FBN1: variants seen among roughly 807,000 people sequenced by gnomAD.
FBN1 encodes the protein fibrillin 1.
FBN1 carries 29 observed loss-of-function variants against 365.1 expected under a neutral mutation model. The observed-to-expected ratio is 0.08, with a 90% confidence interval of 0.06 to 0.11. The LOEUF is 0.11. FBN1 is among the 10% of genes least tolerant of loss of function. FBN1 has a pLI of 1.00. For missense variants in FBN1, 2,476 were observed against 3,703.2 expected, an observed-to-expected ratio of 0.67 and a Z score of 8.60; for synonymous variants, 1,210 against 1,270.5, an observed-to-expected ratio of 0.95 and a Z score of 1.01.
Position 48,504,995 on chromosome 15 carries a change from C to T in FBN1, c.1960+30G>A, listed in dbSNP as rs25459. ...ATTGAGTGACAGAGGCTGAACCTCT[C>T]TCATAAGGTTAGCCATGATGTTTTC... On this transcript the variant is annotated intron_variant, in intron 16 of 65. Coordinates refer to ENST00000316623, the MANE Select transcript of FBN1 (RefSeq NM_000138.5). 9,261 of 1,613,772 alleles carry T rather than the reference C, an allele frequency of 5.7e-3. 166 individuals carry two copies. In the African/African-American group the frequency reaches 0.061, roughly 11 times the overall value.
chr15:48,527,695 C>A (rs949703580), intron 8 of FBN1, among the ~76,000 whole-genome samples: 2 of 152,254 alleles, frequency 1.3e-5, no homozygotes, highest in Non-Finnish European at 2.9e-5. Context: ...ACAGTGTTTA[C>A]ATGCAGTTTA....
intron 2 of FBN1, among the ~76,000 whole-genome samples, chr15:48,618,452 G>GGCCCT (rs1486076134): frequency 3.3e-5 from 5 of 151,858 alleles, no homozygotes; most frequent in Admixed American, 6.6e-5. Context: ...CCTTTATTCT[G>GGCCCT]GCCCTCTTCA....
At chr15:48,629,336 A>G (rs909369566) in intron 2 of FBN1, among the ~76,000 whole-genome samples, 5 of 152,140 alleles carry the variant, frequency 3.3e-5, no homozygotes, top group African/African-American at 4.8e-5. Context: ...TCTTCAATAC[A>G]TAAATTACAA....
intron 47 of FBN1, among the ~76,000 whole-genome samples, chr15:48,446,439 A>G (rs980516713): frequency 3.3e-5 from 5 of 152,196 alleles, no homozygotes; most frequent in Non-Finnish European, 5.9e-5. Flanking sequence ...ATGTGTAGGA[A>G]AAAACATGGT....
intron 8 of FBN1, among the ~76,000 whole-genome samples, chr15:48,526,967 G>T (rs1194198737): frequency 6.6e-6 from 1 of 152,160 alleles, no homozygotes; most frequent in African/African-American, 2.4e-5. Flanking sequence ...CCCTTCCCAG[G>T]CACCCGACAC....
At chr15:48,505,569 G>T (rs1360273057) in intron 15 of FBN1, among the ~76,000 whole-genome samples, 1 of 152,080 alleles carries the variant, frequency 6.6e-6, no homozygotes, top group Non-Finnish European at 1.5e-5. Flanking sequence ...CACCCAGACT[G>T]GCATCACTTC....
chr15:48,604,828 C>G (rs2044594145), intron 4 of FBN1, among the ~76,000 whole-genome samples: 1 of 152,174 alleles, frequency 6.6e-6, no homozygotes, highest in Non-Finnish European at 1.5e-5. Flanking sequence ...AGGATGGTTG[C>G]ACCATACTCC....
chr15:48,562,104 T>C (rs1043441941), intron 6 of FBN1, among the ~76,000 whole-genome samples: 4 of 152,140 alleles, frequency 2.6e-5, no homozygotes, highest in Non-Finnish European at 5.9e-5. Context: ...GTTAGAAGAA[T>C]GGAATCAAGC....
intron 6 of FBN1, among the ~76,000 whole-genome samples, chr15:48,554,606 CA>C (rs1179084577): frequency 6.6e-6 from 1 of 152,142 alleles, no homozygotes; most frequent in East Asian, 1.9e-4. Flanking sequence ...AAATGGGTAT[CA>C]GTCATATTTT....
In FBN1 at chr15:48,534,200, C is replaced by T. The variant is rs1235048801; in HGVS notation, c.742G>A (p.Asp248Asn). Residue 248 changes from aspartate to asparagine, a missense_variant, in exon 8 of 66, where the codon GAT (aspartate) becomes AAT (asparagine). Coordinates refer to ENST00000316623, the MANE Select transcript of FBN1 (RefSeq NM_000138.5). ...AGCCCGGGGATGGCCTGGCATTCAT[C>T]CACATCTGTCAGATTACAGAAGACA... ...NIRTGACQDV[D>N]ECQAIPGLCQ... 1.2e-6 allele frequency: 2 copies of T among 1,612,952 alleles called. No individual in the cohort carries two copies. Among genetic ancestry groups the T allele is most frequent in the South Asian group, 2.2e-5 (2 of 91,030 alleles).
chr15:48,489,391 GA>G (rs1432746120), intron 25 of FBN1, among the ~76,000 whole-genome samples: 1 of 151,792 alleles, frequency 6.6e-6, no homozygotes, highest in Non-Finnish European at 1.5e-5. Context: ...TTGTACACTA[GA>G]AAACTGCATA....
chr15:48,481,829 A>G, intron 31 of FBN1, 49 bp from the exon 32 acceptor site: 1 of 1,546,320 alleles, frequency 6.5e-7, no homozygotes, highest in Non-Finnish European at 8.9e-7. Context: ...GATATCATTG[A>G]GTACTTTCCC....
chr15:48,499,429 T>C (rs545966764), intron 17 of FBN1, among the ~76,000 whole-genome samples: 23 of 152,372 alleles, frequency 1.5e-4, no homozygotes, highest in African/African-American at 5.1e-4. Context: ...TGTTTCTCAG[T>C]GCTAGCTGTT....
chr15:48,437,549 A>G (rs1219459561), intron 51 of FBN1, 162 bp from the exon 52 acceptor site: 1 of 816,046 alleles, frequency 1.2e-6, no homozygotes, highest in African/African-American at 1.7e-5. Flanking sequence ...AGACTCCCTA[A>G]GATGTTGTGT....
intron 3 of FBN1, 43 bp downstream of exon 3, chr15:48,612,967 C>T (rs756778569): frequency 6.9e-7 from 1 of 1,453,508 alleles, no homozygotes; most frequent in South Asian, 1.1e-5. Flanking sequence ...ACCAACACAA[C>T]AAAAGAAGGA....
chr15:48,575,308 T>C (rs2044336225), intron 6 of FBN1, among the ~76,000 whole-genome samples: 1 of 147,606 alleles, frequency 6.8e-6, no homozygotes, highest in Admixed American at 6.9e-5. Flanking sequence ...CTCAATTCTT[T>C]ATGTATTTAC....
chr15:48,479,450 T>G (rs139423012), intron 32 of FBN1, among the ~76,000 whole-genome samples: 2 of 152,306 alleles, frequency 1.3e-5, no homozygotes, highest in African/African-American at 4.8e-5. Context: ...CTCCTTCAGA[T>G]GAGAATATCA....
intron 50 of FBN1, among the ~76,000 whole-genome samples, chr15:48,439,157 A>G (rs1207380488): frequency 6.6e-6 from 1 of 152,254 alleles, no homozygotes; most frequent in Non-Finnish European, 1.5e-5. Context: ...AAAGGTTTTC[A>G]TGAATTAAAG....
At chr15:48,553,830 A>T (rs1478532982) in intron 6 of FBN1, among the ~76,000 whole-genome samples, 1 of 152,184 alleles carries the variant, frequency 6.6e-6, no homozygotes, top group East Asian at 1.9e-4. Flanking sequence ...TATGTATAAG[A>T]TGAGCACTGG....
Sources: allele counts gnomAD v4.1 joint callset (sites outside exome capture counted in the v4.1 genomes callset), GRCh38; gene constraint gnomAD v4.1.1; transcripts MANE v1.5; gene names NCBI Gene and HGNC (gene_info 2026-07-23, HGNC 2026-07-21).